Variants in PNKD observed in about 807,000 individuals in gnomAD.
PNKD encodes the protein probable thioesterase PNKD.
PNKD carries 36 observed loss-of-function variants against 45.3 expected under a neutral mutation model. The observed-to-expected ratio is 0.80, with a 90% CI of 0.61 to 1.05. The LOEUF (loss-of-function observed/expected upper bound fraction) is 1.05. Ranked by LOEUF, PNKD falls within the 50% of genes least tolerant of loss-of-function variation. PNKD has a pLI of 0.00. For synonymous variants in PNKD, 197 were observed against 210.1 expected (o/e 0.94, Z 0.54); for missense variants, 511 against 506.6 (o/e 1.01, Z -0.08).
At chr2:218,302,401 T>A (rs1357727986) in intron 2 of PNKD, among the ~76,000 whole-genome samples, 1 of 151,966 alleles carries the variant, frequency 6.6e-6, no homozygotes, top group African/African-American at 2.4e-5. Flanking sequence ...TGGCAGAAGG[T>A]GGCATGAAAG....
At chr2:218,273,644 T>G (rs1690952701) in intron 2 of PNKD, among the ~76,000 whole-genome samples, 1 of 130,574 alleles carries the variant, frequency 7.7e-6, no homozygotes, top group South Asian at 2.5e-4. Context: ...CCACTCCCAG[T>G]TAATTTTTTT....
At chr2:218,277,504 G>A in intron 2 of PNKD, 1 of 1,608,958 alleles carries the variant, frequency 6.2e-7, no homozygotes, top group Non-Finnish European at 8.5e-7. Context: ...ACGTATGAAT[G>A]ACTTCAAAAT....
At position 218,301,598 on chromosome 2, in the gene PNKD, G is replaced by GC. The variant is rs577191285; in HGVS notation, c.236+30050dup. On this transcript the variant is annotated intron_variant, in intron 2 of 9. Coordinates refer to ENST00000273077, the MANE Select transcript of PNKD (RefSeq NM_015488.5). ...GCCCAGGAGTTCGAAACCAGCCTGT[G>GC]CAACATAGTGAGACCCATCTCTTTA... 3.5e-4 allele frequency among the ~76,000 whole-genome samples: 53 copies of GC among 152,210 alleles called. 1 individual carries two copies. In the South Asian group the frequency reaches 0.01, roughly 30 times the overall value.
In PNKD at chr2:218,339,803, C is replaced by T. The variant is rs1441060629; in HGVS notation, c.257C>T (p.Thr86Ile). ...GLAWYSLYTR[T>I]WLGYLFYRQQ... ...TCTAGGTACAGCCTGTACACCCGCA[C>T]CTGGCTCGGGTACCTCTTCTACCGA... Residue 86 changes from threonine (T) to isoleucine (I), a missense_variant, in exon 3 of 10, where the codon ACC becomes ATC. Thr to Ile is a moderately conservative substitution (Grantham distance 89). Coordinates refer to ENST00000273077, the MANE Select transcript of PNKD (RefSeq NM_015488.5). 3 of 1,613,508 alleles carry T rather than the reference C, an allele frequency of 1.9e-6. No homozygotes were observed. The highest frequency in any genetic ancestry group is 2.7e-5 in the African/African-American group (2 of 74,856).
chr2:218,279,084 C>A (rs1436894530), intron 2 of PNKD: 1 of 1,614,026 alleles, frequency 6.2e-7, no homozygotes, highest in African/African-American at 1.3e-5. Context: ...AAGGCGCTGA[C>A]AGGTTCCCTG....
At chr2:218,313,733 T>C (rs1693681094) in intron 2 of PNKD, among the ~76,000 whole-genome samples, 1 of 152,114 alleles carries the variant, frequency 6.6e-6, no homozygotes, top group South Asian at 2.1e-4. Context: ...TTGATGCATA[T>C]TGGTAATTGC....
At chr2:218,295,254 T>C (rs1693114768) in intron 2 of PNKD, among the ~76,000 whole-genome samples, 1 of 152,230 alleles carries the variant, frequency 6.6e-6, no homozygotes, top group Admixed American at 6.5e-5. Flanking sequence ...AAGCTTTTAT[T>C]GTCTGCCAAC....
intron 2 of PNKD, chr2:218,323,582 A>G: frequency 3.1e-6 from 1 of 323,778 alleles, no homozygotes; most frequent in Non-Finnish European, 4.9e-6. Context: ...GGACTGGAGA[A>G]GCCACTGAGT....
chr2:218,279,332 G>A (rs1418893159), intron 2 of PNKD: 8 of 1,586,798 alleles, frequency 5.0e-6, no homozygotes. Flanking sequence ...ATGAGCAGCT[G>A]CACGGAGATG....
At chr2:218,304,355 G>A (rs919188048) in intron 2 of PNKD, among the ~76,000 whole-genome samples, 1 of 151,966 alleles carries the variant, frequency 6.6e-6, no homozygotes, top group Non-Finnish European at 1.5e-5. Flanking sequence ...TGTTGACCAG[G>A]CTGGTCTGGA....
intron 2 of PNKD, among the ~76,000 whole-genome samples, chr2:218,285,334 C>G (rs1487676525): frequency 1.3e-5 from 2 of 152,204 alleles, no homozygotes; most frequent in Admixed American, 1.3e-4. Flanking sequence ...TCCCAAGCCC[C>G]TGCTCTTAAT....
At chr2:218,281,426 C>T (rs1237114552) in intron 2 of PNKD, among the ~76,000 whole-genome samples, 2 of 152,208 alleles carry the variant, frequency 1.3e-5, no homozygotes, top group African/African-American at 4.8e-5. Flanking sequence ...CGTGAGCCAC[C>T]GCGGCCGGCC....
intron 2 of PNKD, among the ~76,000 whole-genome samples, chr2:218,319,189 G>C (rs1471582602): frequency 2.6e-5 from 4 of 151,268 alleles, no homozygotes; most frequent in Non-Finnish European, 5.9e-5. Flanking sequence ...TCCTGACCTT[G>C]TGATCCGCCC....
intron 2 of PNKD, among the ~76,000 whole-genome samples, chr2:218,321,681 T>C (rs1693989268): frequency 7.5e-6 from 1 of 133,048 alleles, no homozygotes; most frequent in Admixed American, 9.0e-5. Context: ...TAGGCTGGAG[T>C]GCCGTGGCAC....
At chr2:218,328,805 C>T (rs937972406) in intron 2 of PNKD, among the ~76,000 whole-genome samples, 2 of 152,238 alleles carry the variant, frequency 1.3e-5, no homozygotes, top group East Asian at 3.8e-4. Context: ...ACCTCTGTCT[C>T]CAGACCGCCC....
At chr2:218,294,572 T>G (rs796900587) in intron 2 of PNKD, among the ~76,000 whole-genome samples, 38 of 152,292 alleles carry the variant, frequency 2.5e-4, no homozygotes, top group Admixed American at 7.2e-4. Flanking sequence ...TGACCTCCCA[T>G]GTACAAGCAA....
intron 2 of PNKD, chr2:218,317,977 A>T (rs1693861006): frequency 6.6e-6 from 1 of 152,370 alleles, no homozygotes; most frequent in South Asian, 2.1e-4. Flanking sequence ...CAGCTCCTTC[A>T]TGATTGTTTC....
intron 2 of PNKD, among the ~76,000 whole-genome samples, chr2:218,289,610 C>G (rs1692793605): frequency 8.0e-6 from 1 of 125,426 alleles, no homozygotes; most frequent in Non-Finnish European, 1.6e-5. Context: ...CCACTGCACT[C>G]CAGCCTGGGC....
chr2:218,282,236 C>T, intron 2 of PNKD: 10 of 1,036,408 alleles, frequency 9.6e-6, no homozygotes, highest in Non-Finnish European at 1.3e-5. Flanking sequence ...GCTCACTCAG[C>T]CTCATGGGCC....
Sources: gnomAD v4.1 joint callset for allele counts (sites outside exome capture counted in the v4.1 genomes callset) on GRCh38, gnomAD v4.1.1 for gene constraint, MANE v1.5 for transcripts, NCBI Gene and HGNC (gene_info 2026-07-23, HGNC 2026-07-21) for gene names.